GTF2IRD1: variants seen among roughly 807,000 people sequenced by gnomAD.
GTF2IRD1 encodes the protein GTF2I repeat domain containing 1, also known as general transcription factor II-I repeat domain-containing protein 1.
A neutral mutation model predicts 113.2 loss-of-function variants in GTF2IRD1; 26 were observed. That is an observed-to-expected ratio of 0.23 (90% confidence interval 0.17 to 0.32). The LOEUF is 0.32. GTF2IRD1 is among the 10% of genes least tolerant of loss of function. GTF2IRD1 has a pLI of 1.00. For synonymous variants in GTF2IRD1, 484 were observed against 529.1 expected, an observed-to-expected ratio of 0.91 and a Z score of 1.17; for missense variants, 864 against 1,280.8, an observed-to-expected ratio of 0.67 and a Z score of 4.97.
chr7:74,479,993 C>T (rs185622650), intron 1 of GTF2IRD1, among the ~76,000 whole-genome samples: 143 of 152,038 alleles, frequency 9.4e-4, no homozygotes, highest in African/African-American at 3.3e-3. Context: ...GTGATCTGCC[C>T]GCCTCGGCCT....
intron 1 of GTF2IRD1, among the ~76,000 whole-genome samples, chr7:74,490,759 G>T (rs760451531): frequency 1.3e-5 from 2 of 151,764 alleles, no homozygotes; most frequent in Admixed American, 6.6e-5. Flanking sequence ...AGTGAGACTT[G>T]AATCACAGAG....
At chr7:74,544,907 C>A in intron 15 of GTF2IRD1, 105 bp downstream of exon 15, 2 of 826,230 alleles carry the variant, frequency 2.4e-6, no homozygotes, top group Non-Finnish European at 4.0e-6. Context: ...TTCTCTCCAC[C>A]TCATCTCTCT....
chr7:74,599,089 G>C (rs116429183), intron 25 of GTF2IRD1, among the ~76,000 whole-genome samples: 1 of 152,154 alleles, frequency 6.6e-6, no homozygotes, highest in Non-Finnish European at 1.5e-5. Context: ...GAGCCCAAGA[G>C]TTCAAGACCA....
rs1798820518 is a variant in GTF2IRD1, at chr7:74,544,648, T to C, written c.1619-107T>C. 5.5e-6 allele frequency: 6 copies of C among 1,090,314 alleles called. No individual in the cohort carries two copies. In the East Asian group the frequency reaches 7.2e-5, roughly 13 times the overall value. 67.5% of individuals were successfully genotyped at this position (1,090,314 alleles called of 1,614,324 possible). A position where few individuals can be genotyped will look rare whatever the true frequency, so the allele number is the denominator to read the frequency against. On this transcript the variant is annotated intron_variant, in intron 14 of 26. Coordinates refer to ENST00000424337, the MANE Select transcript of GTF2IRD1 (RefSeq NM_005685.4). ...TTGGAGTGGGTGCCATGCTTCAGAG[T>C]TGGGGCCCCCTGGCCTGCCATTCCC...
intron 25 of GTF2IRD1, among the ~76,000 whole-genome samples, chr7:74,595,361 G>A (rs1196241702): frequency 6.6e-6 from 1 of 150,638 alleles, no homozygotes; most frequent in Admixed American, 6.7e-5. Context: ...AACTGAGATC[G>A]CGCCCCTGCA....
chr7:74,493,904 A>G (rs1795503589), intron 1 of GTF2IRD1, among the ~76,000 whole-genome samples: 1 of 151,816 alleles, frequency 6.6e-6, no homozygotes, highest in Admixed American at 6.6e-5. Context: ...TTTTTTGTTG[A>G]GATGGGGTCT....
chr7:74,546,064 C>T (rs1798909206), intron 16 of GTF2IRD1, among the ~76,000 whole-genome samples: 2 of 151,984 alleles, frequency 1.3e-5, no homozygotes. Context: ...CACTCCCTCC[C>T]CTGTAATGTC....
intron 1 of GTF2IRD1, among the ~76,000 whole-genome samples, chr7:74,484,962 G>A (rs1195902956): frequency 6.6e-6 from 1 of 152,194 alleles, no homozygotes; most frequent in African/African-American, 2.4e-5. Flanking sequence ...CAAATCTGGA[G>A]TGGATCTGAG....
intron 1 of GTF2IRD1, among the ~76,000 whole-genome samples, chr7:74,498,559 C>T (rs1795852634): frequency 2.6e-5 from 4 of 151,966 alleles, no homozygotes; most frequent in Admixed American, 2.6e-4. Context: ...TCTTGAAAAC[C>T]CACCTCAACA....
chr7:74,461,297 TC>T (rs1165861233), intron 1 of GTF2IRD1, among the ~76,000 whole-genome samples: 3 of 152,118 alleles, frequency 2.0e-5, no homozygotes, highest in Non-Finnish European at 2.9e-5. Flanking sequence ...CCCTTTCCCC[TC>T]CTGTTCCCTG....
chr7:74,558,458 C>T (rs1799751182), intron 20 of GTF2IRD1, among the ~76,000 whole-genome samples: 4 of 142,048 alleles, frequency 2.8e-5, no homozygotes, highest in African/African-American at 1.0e-4. Flanking sequence ...CTCCTGGGCT[C>T]AAGCAATCCT....
chr7:74,530,141 C>G (rs1562840585), intron 9 of GTF2IRD1, among the ~76,000 whole-genome samples: 2 of 151,738 alleles, frequency 1.3e-5, no homozygotes, highest in African/African-American at 4.8e-5. Context: ...ACCCGGGAGG[C>G]AGAGGTTGCA....
At chr7:74,459,452 C>A (rs1041123241) in intron 1 of GTF2IRD1, among the ~76,000 whole-genome samples, 1 of 151,368 alleles carries the variant, frequency 6.6e-6, no homozygotes, top group Non-Finnish European at 1.5e-5. Context: ...GAGTGAAACT[C>A]TGTCTCAAAA....
chr7:74,579,003 C>T (rs1801250411), intron 22 of GTF2IRD1, among the ~76,000 whole-genome samples: 1 of 149,142 alleles, frequency 6.7e-6, no homozygotes, highest in Admixed American at 6.7e-5. Flanking sequence ...AAAAAAAAAG[C>T]AGAGGAGGAG....
At chr7:74,514,929 C>T (rs1796837389) in intron 3 of GTF2IRD1, among the ~76,000 whole-genome samples, 1 of 151,608 alleles carries the variant, frequency 6.6e-6, no homozygotes, top group South Asian at 2.1e-4. Context: ...AGGTGGCAGG[C>T]GCCTATAATC....
At chr7:74,589,960 A>C in intron 23 of GTF2IRD1, 32 bp downstream of exon 23, 2 of 1,442,240 alleles carry the variant, frequency 1.4e-6, no homozygotes, top group South Asian at 2.3e-5. Context: ...CAGCACACCA[A>C]GCCCTCCTCC....
intron 22 of GTF2IRD1, among the ~76,000 whole-genome samples, chr7:74,562,363 C>T (rs187182346): frequency 6.6e-6 from 1 of 152,096 alleles, no homozygotes; most frequent in East Asian, 1.9e-4. Context: ...GGGTCTTAGG[C>T]AGCATGTGGG....
At chr7:74,572,413 T>C (rs1800748229) in intron 22 of GTF2IRD1, 1 of 166,176 alleles carries the variant, frequency 6.0e-6, no homozygotes, top group Non-Finnish European at 1.2e-5. Context: ...TAACTTACCA[T>C]CTCTGATCTA....
chr7:74,537,870 G>A (rs587669720), intron 11 of GTF2IRD1, among the ~76,000 whole-genome samples: 49 of 152,344 alleles, frequency 3.2e-4, no homozygotes, highest in Middle Eastern at 6.8e-3. Flanking sequence ...GAAGAAGGGG[G>A]ATCCCCAGAT....
Sources: gnomAD v4.1 joint callset for allele counts (sites outside exome capture counted in the v4.1 genomes callset) on GRCh38, gnomAD v4.1.1 for gene constraint, MANE v1.5 for transcripts, NCBI Gene and HGNC (gene_info 2026-07-23, HGNC 2026-07-21) for gene names.